KIR2DL3: variants seen among roughly 807,000 people sequenced by gnomAD.
The protein encoded by KIR2DL3 is killer cell immunoglobulin like receptor, two Ig domains and long cytoplasmic tail 3.
Under a neutral mutation model 33.8 loss-of-function variants are expected in KIR2DL3, and 39 were observed. The observed-to-expected ratio is 1.15, with a 90% CI of 0.89 to 1.51. The LOEUF is 1.51. KIR2DL3 is among the 40% of genes most tolerant of loss of function. The probability of loss-of-function intolerance (pLI) is 0.00; values close to 1 mark genes in which losing one functional copy is unlikely to be tolerated. For missense variants in KIR2DL3, 462 were observed against 426.2 expected, an observed-to-expected ratio of 1.08 and a Z score of -0.74; for synonymous variants, 174 against 160.2, an observed-to-expected ratio of 1.09 and a Z score of -0.65.
chr19:54,744,803 G>C (rs1400046741), intron 4 of KIR2DL3, among the ~76,000 whole-genome samples: 1 of 148,666 alleles, frequency 6.7e-6, no homozygotes, highest in Non-Finnish European at 1.5e-5. Context: ...GGGATTACAG[G>C]CATGAGCCAC....
intron 3 of KIR2DL3, among the ~76,000 whole-genome samples, chr19:54,743,024 G>C (rs1204416825): frequency 6.6e-6 from 1 of 151,850 alleles, no homozygotes; most frequent in Non-Finnish European, 1.5e-5. Flanking sequence ...AGGGAGCAGA[G>C]AAAAGCACTA....
At position 54,742,167 on chromosome 19, in the gene KIR2DL3, C is replaced by A. The variant is rs1345543961; in HGVS notation, c.258C>A (p.Ser86=). ...HHDGVSKANF[S]IGPMMQDLAG... The stretch of plus-strand genomic sequence containing the variant: ...ATGGGGTCTCCAAGGCCAACTTCTC[C>A]ATCGGTCCCATGATGCAAGACCTTG... The change falls in exon 3 of 8, where the codon TCC becomes TCA. Residue 86 remains serine, a synonymous_variant. Transcript: ENST00000342376. The A allele has an allele frequency of 1.2e-6, 2 of 1,614,158 alleles. No homozygotes were observed. Among genetic ancestry groups the A allele is most frequent in the South Asian group, 1.1e-5 (1 of 91,082 alleles).
chr19:54,751,817 T>G lies in KIR2DL3; in HGVS notation c.820+64T>G, dbSNP rs1423969458. The G allele has an allele frequency of 3.1e-5, 37 of 1,206,964 alleles. 2 individuals are homozygous for G. The Middle Eastern group carries it at 1.4e-3, about 47-fold the overall frequency. 74.8% of individuals were successfully genotyped at this position (1,206,964 alleles called of 1,614,324 possible). A position where few individuals can be genotyped will look rare whatever the true frequency, so the allele number is the denominator to read the frequency against. ...ATGTGGGGAAGCAGGATGGGAGCACTCAGGTGTGTGTTCCTCACAGACAGG... is the reference window on the plus strand; with the variant it reads ...ATGTGGGGAAGCAGGATGGGAGCACGCAGGTGTGTGTTCCTCACAGACAGG... On this transcript the variant is annotated intron_variant, in intron 6 of 7. Transcript: ENST00000342376.
chr19:54,740,444 G>A (rs1353158850), intron 2 of KIR2DL3, among the ~76,000 whole-genome samples: 2 of 142,124 alleles, frequency 1.4e-5, no homozygotes, highest in Non-Finnish European at 3.1e-5. Context: ...CTTTTCATGG[G>A]CCCTGTGACC....
chr19:54,752,030 G>A lies in KIR2DL3; in HGVS notation c.821-186G>A, dbSNP rs1205108183. Among the ~76,000 whole-genome samples, 5 of 135,730 alleles carry A rather than the reference G, an allele frequency of 3.7e-5. No individual in the cohort carries two copies. The East Asian group carries it at 9.9e-4, about 27-fold the overall frequency. The allele number at this position is 135,730 out of a possible 152,430, so 89.0% of individuals were successfully genotyped here. A position where few individuals can be genotyped will look rare whatever the true frequency, so the allele number is the denominator to read the frequency against. On this transcript the variant is annotated intron_variant, in intron 6 of 7. Coordinates refer to ENST00000342376, the MANE Select transcript of KIR2DL3 (RefSeq NM_015868.3). Reference sequence around the variant, plus strand: ...AGAAAGTGGGAGACAGAATCAATGGGATGGGAACTCAGAGCTATTCATGGG... The same window carrying A: ...AGAAAGTGGGAGACAGAATCAATGGAATGGGAACTCAGAGCTATTCATGGG...
At chr19:54,750,836 G>C (rs1435193351) in intron 5 of KIR2DL3, among the ~76,000 whole-genome samples, 1 of 134,108 alleles carries the variant, frequency 7.5e-6, no homozygotes, top group Non-Finnish European at 1.6e-5. Context: ...GACATATGGA[G>C]TCACCCCATT....
chr19:54,752,617 A>G lies in KIR2DL3; in HGVS notation c.*98A>G, dbSNP rs193073076. ...GTCTCAAAACTGGGTTGCCAGCTCC[A>G]ATGTACCAGCAGCTGGAATCTGAAG... is the stretch of plus-strand genomic sequence containing the variant. On this transcript the variant is annotated 3_prime_UTR_variant, in exon 8 of 8. Coordinates refer to ENST00000342376, the MANE Select transcript of KIR2DL3 (RefSeq NM_015868.3). 1.6e-6 allele frequency: 2 copies of G among 1,261,428 alleles called. No homozygotes were observed. The highest frequency in any genetic ancestry group is 4.2e-5 in the Admixed American group (2 of 47,888). 78.1% of individuals were successfully genotyped at this position (1,261,428 alleles called of 1,614,324 possible).
intron 4 of KIR2DL3, among the ~76,000 whole-genome samples, chr19:54,744,921 CATATAT>C (rs1177112432): frequency 0.013 from 317 of 25,242 alleles, 11 homozygotes; most frequent in African/African-American, 0.037. Context: ...CATATATAAA[CATATAT>C]ATATATATAT....
chr19:54,739,387 G>T (rs2070532156), intron 1 of KIR2DL3, 120 bp from the exon 2 acceptor site: 1 of 1,547,598 alleles, frequency 6.5e-7, no homozygotes. Flanking sequence ...TAGGCACTGA[G>T]GGTGAGTTTA....
At chr19:54,747,954 TC>T (rs2080732579) in intron 5 of KIR2DL3, among the ~76,000 whole-genome samples, 1 of 152,214 alleles carries the variant, frequency 6.6e-6, no homozygotes. Flanking sequence ...TCCACAAGAT[TC>T]GTGGGTGAAA....
chr19:54,750,030 A>G (rs1443725042), intron 5 of KIR2DL3, among the ~76,000 whole-genome samples: 1 of 132,464 alleles, frequency 7.5e-6, no homozygotes, highest in Non-Finnish European at 1.6e-5. Context: ...CCATTAGGCA[A>G]TGAGCTTAAA....
chr19:54,740,629 G>T (rs1280125449), intron 2 of KIR2DL3, among the ~76,000 whole-genome samples: 1 of 151,614 alleles, frequency 6.6e-6, no homozygotes, highest in Non-Finnish European at 1.5e-5. Flanking sequence ...GTCCTTGAGG[G>T]TCCCATCACG....
Position 54,752,539 on chromosome 19 carries a change from C to G in KIR2DL3, c.*20C>G, listed in dbSNP as rs1298436995. On this transcript the variant is annotated 3_prime_UTR_variant, in exon 8 of 8. Transcript: ENST00000342376. ...CCCTGATCCAAAGTTGTCTCCTGCC[C>G]ATGAGCACCACAGTCAGGCCTTGAG... 1 of 1,462,854 alleles carries G rather than the reference C, an allele frequency of 6.8e-7. No homozygotes were observed. Among genetic ancestry groups the G allele is most frequent in the Non-Finnish European group, 9.3e-7 (1 of 1,075,792 alleles). The allele number at this position is 1,462,854 out of a possible 1,614,324, so 90.6% of individuals were successfully genotyped here.
chr19:54,747,410 C>A (rs573639443), intron 5 of KIR2DL3, 25 bp downstream of exon 5: 3 of 1,607,476 alleles, frequency 1.9e-6, no homozygotes, highest in Non-Finnish European at 2.6e-6. Context: ...CTCTTATATC[C>A]GCTTTTGGAA....
In KIR2DL3 at chr19:54,744,050, G is replaced by A. The variant is rs1222439217; in HGVS notation, c.626G>A (p.Trp209Ter). Residue 209 changes from tryptophan (W) to a stop codon, truncating the protein, a stop_gained, in exon 4 of 8, where the codon TGG becomes TAG. Transcript: ENST00000342376. LOFTEE classifies it high-confidence loss of function. ...TCTTTCCGTGACTCTCCATACGAGT[G>A]GTCAAACTCGAGTGACCCACTGCTT... is the stretch of plus-strand genomic sequence containing the variant. ...FGSFRDSPYE[W>*]SNSSDPLLVS... 2 of 1,614,202 alleles carry A rather than the reference G, an allele frequency of 1.2e-6. No individual in the cohort carries two copies. The highest frequency in any genetic ancestry group is 1.7e-6 in the Non-Finnish European group (2 of 1,180,044).
intron 3 of KIR2DL3, among the ~76,000 whole-genome samples, chr19:54,743,389 A>G (rs552788417): frequency 6.6e-6 from 1 of 152,208 alleles, no homozygotes; most frequent in East Asian, 1.9e-4. Context: ...GATGATATAT[A>G]GATATAGATG....
intron 2 of KIR2DL3, among the ~76,000 whole-genome samples, chr19:54,740,728 T>C (rs2070895947): frequency 6.6e-6 from 1 of 151,922 alleles, no homozygotes; most frequent in Non-Finnish European, 1.5e-5. Flanking sequence ...CAGTGATGAC[T>C]ACATTCTAAT....
intron 4 of KIR2DL3, among the ~76,000 whole-genome samples, chr19:54,744,938 ATATATATATATATATATTT>A (rs1386628456): frequency 9.0e-5 from 2 of 22,148 alleles, no homozygotes; most frequent in East Asian, 8.9e-4. Flanking sequence ...ATATATATAT[ATATATATATATATATATTT>A]TTTTTTTTTT....
chr19:54,744,894 A>ATGTG (rs1398189964), intron 4 of KIR2DL3, among the ~76,000 whole-genome samples: 1 of 52,758 alleles, frequency 1.9e-5, no homozygotes, highest in African/African-American at 7.0e-5. Flanking sequence ...ATATATATAT[A>ATGTG]TATACACACA....
Sources: gnomAD v4.1 joint callset for allele counts (sites outside exome capture counted in the v4.1 genomes callset) on GRCh38, gnomAD v4.1.1 for gene constraint, MANE v1.5 for transcripts, NCBI Gene and HGNC (gene_info 2026-07-23, HGNC 2026-07-21) for gene names.